ADGRL3: variants seen among roughly 807,000 people sequenced by gnomAD.
ADGRL3 encodes the protein calcium-independent alpha-latrotoxin receptor 3.
Under a neutral mutation model 153.5 loss-of-function variants are expected in ADGRL3, and 62 were observed. The observed-to-expected ratio is 0.40, with a 90% CI of 0.33 to 0.50. ADGRL3 has a LOEUF of 0.50. Ranked by LOEUF, ADGRL3 falls within the 20% of genes least tolerant of loss-of-function variation. The pLI, the probability that ADGRL3 is intolerant of heterozygous loss-of-function variation, is 0.47. For missense variants in ADGRL3, 1,641 were observed against 1,859.4 expected (o/e 0.88, Z 2.16); for synonymous variants, 710 against 672.5 (o/e 1.06, Z -0.86).
intron 1 of ADGRL3, among the ~76,000 whole-genome samples, chr4:61,223,798 A>G (rs539625835): frequency 6.6e-6 from 1 of 152,318 alleles, no homozygotes; most frequent in African/African-American, 2.4e-5. Context: ...GCAAGCCATC[A>G]GCTTCTAAGA....
intron 6 of ADGRL3, among the ~76,000 whole-genome samples, chr4:61,721,337 T>C (rs2096240981): frequency 6.6e-6 from 1 of 152,198 alleles, no homozygotes; most frequent in Non-Finnish European, 1.5e-5. Flanking sequence ...GCCAAAGGCC[T>C]GAGAGCCCTT....
At chr4:62,028,400 A>G (rs2151472211) in intron 21 of ADGRL3, among the ~76,000 whole-genome samples, 1 of 151,856 alleles carries the variant, frequency 6.6e-6, no homozygotes, top group South Asian at 2.1e-4. Context: ...CTCCAAGTTA[A>G]AATTACTTAG....
At chr4:61,426,556 G>A (rs1404140613) in intron 2 of ADGRL3, among the ~76,000 whole-genome samples, 1 of 127,402 alleles carries the variant, frequency 7.8e-6, no homozygotes, top group Non-Finnish European at 1.8e-5. Context: ...AACTTATCTA[G>A]GTTCCCATAG....
intron 10 of ADGRL3, among the ~76,000 whole-genome samples, 174 bp downstream of exon 10, chr4:61,893,132 T>A (rs1302306358): frequency 6.7e-6 from 1 of 150,148 alleles, no homozygotes; most frequent in African/African-American, 2.4e-5. Context: ...TCTTTCTCTC[T>A]TTCTTTCTTC....
intron 5 of ADGRL3, among the ~76,000 whole-genome samples, chr4:61,659,489 G>A (rs1311962609): frequency 6.6e-6 from 1 of 152,052 alleles, no homozygotes; most frequent in Non-Finnish European, 1.5e-5. Flanking sequence ...TTTAATACAT[G>A]TTGATTAAAT....
chr4:61,949,271 G>T (rs578135247), intron 17 of ADGRL3, among the ~76,000 whole-genome samples: 1 of 152,126 alleles, frequency 6.6e-6, no homozygotes, highest in Non-Finnish European at 1.5e-5. Flanking sequence ...TTGGAAGAAG[G>T]CTATTAATAA....
chr4:61,778,422 A>G (rs573926208), intron 8 of ADGRL3, among the ~76,000 whole-genome samples: 2 of 152,352 alleles, frequency 1.3e-5, no homozygotes, highest in East Asian at 3.9e-4. Context: ...ACGTGGAAAA[A>G]CATTAAAAGA....
chr4:61,529,789 G>A (rs1560790352), intron 4 of ADGRL3, among the ~76,000 whole-genome samples: 1 of 151,550 alleles, frequency 6.6e-6, no homozygotes, highest in South Asian at 2.1e-4. Flanking sequence ...TAACTGCTTT[G>A]AAATGTGCAA....
At chr4:61,627,465 A>G (rs1462416300) in intron 5 of ADGRL3, among the ~76,000 whole-genome samples, 2 of 152,100 alleles carry the variant, frequency 1.3e-5, no homozygotes, top group Non-Finnish European at 2.9e-5. Context: ...TACTAAAAAT[A>G]CAAAAATTAG....
At chr4:61,392,440 A>C (rs1002146802) in intron 2 of ADGRL3, among the ~76,000 whole-genome samples, 1 of 151,372 alleles carries the variant, frequency 6.6e-6, no homozygotes. Context: ...TAATCCCAGC[A>C]CTTTGGGAGG....
At chr4:61,570,218 C>G (rs998900842) in intron 4 of ADGRL3, among the ~76,000 whole-genome samples, 1 of 152,066 alleles carries the variant, frequency 6.6e-6, no homozygotes, top group Non-Finnish European at 1.5e-5. Flanking sequence ...TTTGCTATCT[C>G]CCCTGACTTT....
At chr4:61,564,647 T>C (rs932347483) in intron 4 of ADGRL3, among the ~76,000 whole-genome samples, 1 of 152,230 alleles carries the variant, frequency 6.6e-6, no homozygotes, top group African/African-American at 2.4e-5. Context: ...ACAACTTGAC[T>C]GCTCTTTGAC....
chr4:61,981,594 A>G (rs1419518131), intron 18 of ADGRL3, among the ~76,000 whole-genome samples: 3 of 152,200 alleles, frequency 2.0e-5, no homozygotes, highest in Admixed American at 6.5e-5. Flanking sequence ...CAGAAAATAT[A>G]AATAATAGAC....
intron 17 of ADGRL3, among the ~76,000 whole-genome samples, chr4:61,957,549 G>GTATTTATTTATTTATT (rs58620707): frequency 1.5e-4 from 21 of 144,454 alleles, no homozygotes; most frequent in South Asian, 6.6e-4. Flanking sequence ...TTACATTTAT[G>GTATTTATTTATTTATT]TATTTATTTA....
chr4:61,843,132 A>G (rs2098059014), intron 9 of ADGRL3, among the ~76,000 whole-genome samples: 2 of 152,206 alleles, frequency 1.3e-5, no homozygotes, highest in Admixed American at 1.3e-4. Context: ...GAAGAAAGAC[A>G]GACAGAGAGA....
At chr4:61,958,854 A>G (rs922183345) in intron 17 of ADGRL3, among the ~76,000 whole-genome samples, 3 of 152,112 alleles carry the variant, frequency 2.0e-5, no homozygotes, top group South Asian at 2.1e-4. Context: ...GCTAACATCC[A>G]AAGGTGAGAA....
In ADGRL3 at chr4:61,749,714, T is replaced by TG. The variant is rs2096726782; in HGVS notation, c.1399+16166dup. On this transcript the variant is annotated intron_variant, in intron 8 of 26. Coordinates refer to ENST00000683033, the MANE Select transcript of ADGRL3 (RefSeq NM_001387552.1). ...TCACACTCTCGGGACTGTTGTAGGG[T>TG]GGGGGGTGGAGGGAGGGATAGCTTT... Among the ~76,000 whole-genome samples, 3 of 140,738 alleles carry TG rather than the reference T, an allele frequency of 2.1e-5. No homozygotes were observed. The Admixed American group carries it at 2.2e-4, about 10-fold the overall frequency. 92.3% of individuals were successfully genotyped at this position (140,738 alleles called of 152,430 possible).
chr4:62,063,694 G>T, intron 25 of ADGRL3: 2 of 563,858 alleles, frequency 3.5e-6, no homozygotes, highest in South Asian at 2.3e-5. Flanking sequence ...AGGTTTTATG[G>T]GCAAATTCTA....
At chr4:61,937,448 T>C (rs2150174328) in intron 15 of ADGRL3, among the ~76,000 whole-genome samples, 1 of 151,544 alleles carries the variant, frequency 6.6e-6, no homozygotes, top group Admixed American at 6.6e-5. Flanking sequence ...TAGAATACAA[T>C]TTTTACATTT....
Sources: gnomAD v4.1 joint callset for allele counts (sites outside exome capture counted in the v4.1 genomes callset) on GRCh38, gnomAD v4.1.1 for gene constraint, MANE v1.5 for transcripts, NCBI Gene and HGNC (gene_info 2026-07-23, HGNC 2026-07-21) for gene names.